HSPG2: variants seen among roughly 807,000 people sequenced by gnomAD.
HSPG2 encodes the protein basement membrane-specific heparan sulfate proteoglycan core protein.
HSPG2 carries 278 observed loss-of-function variants against 526.6 expected under a neutral mutation model. The observed-to-expected ratio is 0.53, with a 90% CI of 0.48 to 0.58. HSPG2 has a LOEUF of 0.58. HSPG2 is among the 20% of genes least tolerant of loss of function. The probability of loss-of-function intolerance (pLI) is 0.00; values close to 1 mark genes in which losing one functional copy is unlikely to be tolerated. For missense variants in HSPG2, 5,354 were observed against 6,099.5 expected (o/e 0.88, Z 4.07); for synonymous variants, 2,465 against 2,555.4 (o/e 0.96, Z 1.07).
At position 21,839,634 on chromosome 1, in the gene HSPG2, G is replaced by A. The variant is rs572505920; in HGVS notation, c.9710-84C>T. 6.6e-7 allele frequency: 1 copy of A among 1,505,966 alleles called. No homozygotes were observed. The highest frequency in any genetic ancestry group is 1.2e-5 in the South Asian group (1 of 85,730). 93.3% of individuals were successfully genotyped at this position (1,505,966 alleles called of 1,614,324 possible). On this transcript the variant is annotated intron_variant, in intron 72 of 96. Coordinates refer to ENST00000374695, the MANE Select transcript of HSPG2 (RefSeq NM_005529.7). The surrounding 1 kb of genome is among the most constrained non-coding windows in gnomAD (Gnocchi z 4.5). ...GGTGGCCATGGTGAGGAAGGGCCCT[G>A]GGTGATCCTGTCCCTCTATGGGGAC...
At position 21,844,335 on chromosome 1, in the gene HSPG2, C is replaced by G. The variant is rs2270698; in HGVS notation, c.8465-36G>C. The G allele has an allele frequency of 0.17, 276,324 of 1,593,648 alleles. 25,625 individuals carry two copies. Among genetic ancestry groups the G allele is most frequent in the South Asian group, 0.27 (23,848 of 89,866 alleles). ...GGGGAGAGGTCAGTGAGCTGAGATG[C>G]CACCCTGATGCCCTCAGCCCTTCCC... On this transcript the variant is annotated intron_variant, in intron 64 of 96. Transcript: ENST00000374695.
rs761947438 is a variant in HSPG2, at chr1:21,823,423, T to C, written c.13069A>G (p.Lys4357Glu). 1 of 1,587,214 alleles carries C rather than the reference T, an allele frequency of 6.3e-7. No homozygotes were observed. Among genetic ancestry groups the C allele is most frequent in the Middle Eastern group, 1.7e-4 (1 of 6,044 alleles). Residue 4357 changes from lysine to glutamate, a missense_variant, in exon 97 of 97, where the codon AAG (lysine) becomes GAG (glutamate). Physicochemically the swap from Lys to Glu is moderately conservative, Grantham distance 56. Coordinates refer to ENST00000374695, the MANE Select transcript of HSPG2 (RefSeq NM_005529.7). The part of the protein sequence containing the change: ...RFSSGITGCV[K>E]NLVLHSARPG... ...CGGGCCGAGTGCAGCACCAGGTTCT[T>C]GACACAGCCTGTGATGCCTGAGGAG...
chr1:21,897,380 C>T (rs973210345), intron 1 of HSPG2, among the ~76,000 whole-genome samples: 5 of 152,196 alleles, frequency 3.3e-5, no homozygotes, highest in Non-Finnish European at 7.3e-5. Context: ...AAGGGCTAGA[C>T]AAGGTAGTGA....
In HSPG2 at chr1:21,832,515, C is replaced by T. The variant is rs2229487; in HGVS notation, c.11187G>A (p.Val3729=). The stretch of plus-strand genomic sequence containing the variant: ...CTCACCGGAACTCGGGCCTTCCCCC[C>T]ACGAGGCCGAAGGAGATGAAGTCGG... ...RQPDFISFGL[V]GGRPEFRFDA... is the part of the protein sequence containing the mutation. Residue 3729 remains valine (V), a synonymous_variant, in exon 81 of 97, where the codon GTG becomes GTA. Coordinates refer to ENST00000374695, the MANE Select transcript of HSPG2 (RefSeq NM_005529.7). The T allele has an allele frequency of 6.1e-5, 99 of 1,614,092 alleles. No individual in the cohort carries two copies. The highest frequency in any genetic ancestry group is 7.4e-5 in the Non-Finnish European group (87 of 1,179,962).
chr1:21,875,591 C>T (rs934201111), intron 25 of HSPG2, 38 bp downstream of exon 25: 1 of 1,526,968 alleles, frequency 6.5e-7, no homozygotes, highest in South Asian at 1.1e-5. Flanking sequence ...AGCCCCTCCC[C>T]AAGCCCATGC....
chr1:21,854,734 A>C lies in HSPG2; in HGVS notation c.6165T>G (p.Ile2055Met), dbSNP rs750992493. The C allele has an allele frequency of 6.2e-7, 1 of 1,613,768 alleles. No homozygotes were observed. Among genetic ancestry groups the C allele is most frequent in the Non-Finnish European group, 8.5e-7 (1 of 1,179,880 alleles). Residue 2055 changes from isoleucine (I) to methionine (M), a missense_variant, in exon 49 of 97, where the codon ATT becomes ATG. Physicochemically the swap from Ile to Met is conservative, Grantham distance 10 (BLOSUM62 1). Transcript: ENST00000374695. ...CTGTCACAGAAGGCGATGAGGACTC[A>C]ATCTTGACCGGCGGTGGGCTGGCAT... is the stretch of plus-strand genomic sequence containing the variant. ...ASDASPPPVK[I>M]ESSSPSVTEG...
At chr1:21,916,410 CAGG>C (rs1179659099) in intron 1 of HSPG2, among the ~76,000 whole-genome samples, 4 of 151,980 alleles carry the variant, frequency 2.6e-5, no homozygotes, top group Admixed American at 2.0e-4. Flanking sequence ...GAGGAGGAGG[CAGG>C]AGAATGGCAT....
At chr1:21,900,646 C>T (rs1280684773) in intron 1 of HSPG2, among the ~76,000 whole-genome samples, 1 of 152,052 alleles carries the variant, frequency 6.6e-6, no homozygotes, top group African/African-American at 2.4e-5. Flanking sequence ...GGTACAGATA[C>T]GGAGAGCAGG....
intron 1 of HSPG2, among the ~76,000 whole-genome samples, chr1:21,912,179 T>A (rs1643715895): frequency 6.6e-6 from 1 of 152,184 alleles, no homozygotes; most frequent in Admixed American, 6.5e-5. Context: ...AGCCTGGCAG[T>A]TTCCTAGCTG....
intron 1 of HSPG2, among the ~76,000 whole-genome samples, chr1:21,912,067 A>T (rs1643711991): frequency 6.6e-6 from 1 of 152,186 alleles, no homozygotes; most frequent in African/African-American, 2.4e-5. Context: ...TGCGATGACT[A>T]CTATATCTAT....
chr1:21,936,997 C>G (rs922825476), intron 1 of HSPG2, among the ~76,000 whole-genome samples, 158 bp downstream of exon 1: 18 of 151,854 alleles, frequency 1.2e-4, no homozygotes, highest in Non-Finnish European at 1.5e-5. Flanking sequence ...CAGGGTGGCG[C>G]CGGCCCGGGG....
At chr1:21,832,393 C>A in intron 81 of HSPG2, 102 bp downstream of exon 81, 4 of 977,276 alleles carry the variant, frequency 4.1e-6, no homozygotes, top group South Asian at 1.3e-5. Context: ...ACATTTTCTC[C>A]TTCCTCCAGA....
intron 1 of HSPG2, among the ~76,000 whole-genome samples, chr1:21,905,261 CCA>C (rs112940334): frequency 4.2e-4 from 61 of 145,994 alleles, no homozygotes; most frequent in Middle Eastern, 3.6e-3. Flanking sequence ...CCACACACAC[CCA>C]CACACACACA....
intron 30 of HSPG2, 133 bp downstream of exon 30, chr1:21,873,242 T>G: frequency 8.3e-7 from 1 of 1,209,410 alleles, no homozygotes. Context: ...TGGGGCCTTC[T>G]CCTATCCCCA....
chr1:21,936,349 GGCCTCTCCCT>G (rs1479143054), intron 1 of HSPG2, among the ~76,000 whole-genome samples: 1 of 152,216 alleles, frequency 6.6e-6, no homozygotes, highest in African/African-American at 2.4e-5. Flanking sequence ...TGCAAGGGCA[GGCCTCTCCCT>G]GCCTCTTGGA....
chr1:21,937,083 G>T, intron 1 of HSPG2, 72 bp downstream of exon 1: 1 of 525,112 alleles, frequency 1.9e-6, no homozygotes, highest in Non-Finnish European at 2.5e-6. Context: ...GTTGGCGGGA[G>T]GCGGCGAGCG....
intron 1 of HSPG2, among the ~76,000 whole-genome samples, chr1:21,933,127 G>C (rs1178214565): frequency 1.3e-5 from 2 of 152,084 alleles, no homozygotes; most frequent in East Asian, 3.9e-4. Flanking sequence ...GGCTGAGGTG[G>C]GAGGATCACC....
intron 65 of HSPG2, 113 bp downstream of exon 65, chr1:21,844,035 G>A: frequency 2.1e-6 from 3 of 1,413,632 alleles, no homozygotes; most frequent in South Asian, 2.4e-5. Context: ...TTGACCTCCT[G>A]CTGCCATTTC....
intron 65 of HSPG2, 91 bp from the exon 66 acceptor site, chr1:21,843,529 C>G: frequency 7.1e-7 from 1 of 1,400,636 alleles, no homozygotes. Context: ...CTGCCATGCA[C>G]AGATATGTAG....
Sources: gnomAD v4.1 joint callset for allele counts (sites outside exome capture counted in the v4.1 genomes callset) on GRCh38, gnomAD v4.1.1 for gene constraint, Gnocchi (gnomAD v3.1) non-coding constraint, MANE v1.5 for transcripts, NCBI Gene and HGNC (gene_info 2026-07-23, HGNC 2026-07-21) for gene names.